Variants in CLEC2B observed in about 807,000 individuals in gnomAD.
The protein encoded by CLEC2B is C-type lectin domain family 2 member B.
In CLEC2B, 14 loss-of-function variants were observed where a neutral mutation model predicts 16.2. The ratio of observed to expected loss-of-function variants is 0.86; its 90% CI spans 0.57 to 1.35. The LOEUF is 1.35. Ranked by LOEUF, CLEC2B falls within the 40% of genes most tolerant of loss-of-function variation. CLEC2B has a pLI of 0.00. For missense variants in CLEC2B, 166 were observed against 182.3 expected (o/e 0.91, Z 0.52); for synonymous variants, 42 against 55.8 (o/e 0.75, Z 1.10).
intron 1 of CLEC2B, among the ~76,000 whole-genome samples, chr12:9,864,264 G>T (rs1008066834): frequency 6.0e-5 from 9 of 150,648 alleles, no homozygotes; most frequent in African/African-American, 2.2e-4. Context: ...CAAAAACTGA[G>T]AGAATTCACC....
chr12:9,856,712 A>G (rs1867896149), intron 3 of CLEC2B, among the ~76,000 whole-genome samples: 1 of 152,078 alleles, frequency 6.6e-6, no homozygotes, highest in South Asian at 2.1e-4. Context: ...TAATCAAGTT[A>G]TATTACCTCT....
At chr12:9,857,758 CTATT>C in intron 2 of CLEC2B, 121 bp from the exon 3 acceptor site, 1 of 766,782 alleles carries the variant, frequency 1.3e-6, no homozygotes, top group South Asian at 1.7e-5. Flanking sequence ...AGTTGTATAT[CTATT>C]ATATGATAAG....
At chr12:9,865,386 C>A (rs1004352498) in intron 1 of CLEC2B, among the ~76,000 whole-genome samples, 4 of 151,870 alleles carry the variant, frequency 2.6e-5, no homozygotes, top group Non-Finnish European at 5.9e-5. Context: ...AAATAGATTA[C>A]AAAACTTTAA....
chr12:9,867,992 G>C (rs1867984697), intron 1 of CLEC2B, among the ~76,000 whole-genome samples: 1 of 151,550 alleles, frequency 6.6e-6, no homozygotes, highest in Non-Finnish European at 1.5e-5. Flanking sequence ...TAAAATATTT[G>C]TTAAAATGTA....
intron 1 of CLEC2B, among the ~76,000 whole-genome samples, chr12:9,867,646 C>A (rs771558487): frequency 6.6e-6 from 1 of 152,082 alleles, no homozygotes; most frequent in African/African-American, 2.4e-5. Context: ...AAGCTGATAT[C>A]GAAACATGAA....
chr12:9,857,553 T>C lies in CLEC2B; in HGVS notation c.158A>G (p.Glu53Gly), dbSNP rs373703940. Residue 53 changes from glutamate to glycine, a missense_variant, in exon 3 of 5, where the codon GAA becomes GGA. Transcript: ENST00000228438. ...GTATTTACTTGAATTCCAATCTCCT[T>C]CTTCTTTAGAGAAATAATAGCATTT... ...QNKCYYFSKE[E>G]GDWNSSKYNC... The C allele has an allele frequency of 6.2e-7, 1 of 1,609,994 alleles. No homozygotes were observed.
At chr12:9,854,329 G>T (rs1867876497) in intron 4 of CLEC2B, 52 bp downstream of exon 4, 1 of 1,214,264 alleles carries the variant, frequency 8.2e-7, no homozygotes. Context: ...ATAAGTCCTA[G>T]AGAAGGCTGC....
At chr12:9,862,435 A>C in intron 2 of CLEC2B, 64 bp downstream of exon 2, 1 of 1,326,066 alleles carries the variant, frequency 7.5e-7, no homozygotes, top group Non-Finnish European at 1.0e-6. Context: ...ATCATGACTG[A>C]GACAGAAAGG....
chr12:9,860,295 A>G (rs896563349), intron 2 of CLEC2B, among the ~76,000 whole-genome samples: 1 of 151,734 alleles, frequency 6.6e-6, no homozygotes, highest in African/African-American at 2.4e-5. Flanking sequence ...ATAGTTAACT[A>G]TAGCAAATTT....
intron 1 of CLEC2B, among the ~76,000 whole-genome samples, chr12:9,864,717 CTAAT>C (rs1000734502): frequency 4.0e-5 from 6 of 151,796 alleles, no homozygotes; most frequent in African/African-American, 1.5e-4. Context: ...TAAAAAGCAA[CTAAT>C]TAATATATAC....
At position 9,867,276 on chromosome 12, in the gene CLEC2B, C is replaced by T. The variant is rs1415408778; in HGVS notation, c.-3+1929G>A. The T allele has an allele frequency of 3.9e-5, 6 of 152,122 alleles. No homozygotes were observed. In the South Asian group the frequency reaches 6.2e-4, roughly 16 times the overall value. The allele number at this position is 152,122 out of a possible 1,614,324, so 9.4% of individuals were successfully genotyped here. A position where few individuals can be genotyped will look rare whatever the true frequency, so the allele number is the denominator to read the frequency against. ...CACCAAATGACAGAAAGTAAGTAAA[C>T]TGTCCTGTCCATTCAGTGGGATGGA... On this transcript the variant is annotated intron_variant, in intron 1 of 4. Transcript: ENST00000228438.
intron 1 of CLEC2B, among the ~76,000 whole-genome samples, chr12:9,864,256 A>G (rs1037609332): frequency 1.3e-5 from 2 of 152,170 alleles, no homozygotes; most frequent in African/African-American, 4.8e-5. Context: ...CAGACAAACA[A>G]AAACTGAGAG....
chr12:9,866,294 T>C lies in CLEC2B; in HGVS notation c.-3+2911A>G, dbSNP rs61914645. On this transcript the variant is annotated intron_variant, in intron 1 of 4. Coordinates refer to ENST00000228438, the MANE Select transcript of CLEC2B (RefSeq NM_005127.3). ...TTCAATGCCATGAATCAAGTAAATA[T>C]GTCAGTATGTCATTCCGTTTTTCTC... Among the ~76,000 whole-genome samples, 1,397 of 152,260 alleles carry C rather than the reference T, an allele frequency of 9.2e-3. 12 individuals are homozygous for C. Among genetic ancestry groups the C allele is most frequent in the Non-Finnish European group, 0.013 (882 of 67,982 alleles).
intron 1 of CLEC2B, among the ~76,000 whole-genome samples, chr12:9,863,390 T>C (rs2136980684): frequency 6.6e-6 from 1 of 151,660 alleles, no homozygotes; most frequent in Admixed American, 6.6e-5. Flanking sequence ...CACAAAGACA[T>C]AGATGCATAT....
At chr12:9,857,376 G>A in intron 3 of CLEC2B, 98 bp downstream of exon 3, 1 of 852,454 alleles carries the variant, frequency 1.2e-6, no homozygotes. Flanking sequence ...TGCATAGATA[G>A]GCATGAGTGA....
intron 3 of CLEC2B, 74 bp from the exon 4 acceptor site, chr12:9,854,558 G>A (rs561842348): frequency 5.6e-5 from 56 of 1,001,846 alleles, no homozygotes; most frequent in Middle Eastern, 2.1e-4. Context: ...CTCTTGTTTC[G>A]TAGGTTGTGA....
rs1867868509 is a variant in CLEC2B at position 9,853,535 on chromosome 12, G to T, written c.342-127C>A. The T allele has an allele frequency of 5.7e-6, 4 of 695,930 alleles. No individual in the cohort carries two copies. In the Admixed American group the frequency reaches 6.6e-5, roughly 11 times the overall value. 43.1% of individuals were successfully genotyped at this position (695,930 alleles called of 1,614,324 possible). A position where few individuals can be genotyped will look rare whatever the true frequency, so the allele number is the denominator to read the frequency against. ...ACTATGGCACAGTTCTCTCTTGCTAGTGTTGAGATACCTATACCAATTTGG... is the reference window on the plus strand; with the variant it reads ...ACTATGGCACAGTTCTCTCTTGCTATTGTTGAGATACCTATACCAATTTGG... On this transcript the variant is annotated intron_variant, in intron 4 of 4. Coordinates refer to ENST00000228438, the MANE Select transcript of CLEC2B (RefSeq NM_005127.3).
At chr12:9,858,093 C>T (rs1867907814) in intron 2 of CLEC2B, among the ~76,000 whole-genome samples, 1 of 152,004 alleles carries the variant, frequency 6.6e-6, no homozygotes, top group African/African-American at 2.4e-5. Context: ...AGCTAGGAAT[C>T]ACCATCACTG....
At chr12:9,865,523 T>A (rs368336047) in intron 1 of CLEC2B, among the ~76,000 whole-genome samples, 1 of 152,248 alleles carries the variant, frequency 6.6e-6, no homozygotes, top group East Asian at 1.9e-4. Context: ...AAAGCAAACA[T>A]TCATTGATCT....
Sources: gnomAD v4.1 joint callset for allele counts (sites outside exome capture counted in the v4.1 genomes callset) on GRCh38, gnomAD v4.1.1 for gene constraint, MANE v1.5 for transcripts, NCBI Gene and HGNC (gene_info 2026-07-23, HGNC 2026-07-21) for gene names.